CD47: variants seen among roughly 807,000 people sequenced by gnomAD.
CD47 encodes CD47 molecule.
A neutral mutation model predicts 44.6 loss-of-function variants in CD47; 11 were observed. The ratio of observed to expected loss-of-function variants is 0.25; its 90% CI spans 0.16 to 0.41. The LOEUF is 0.41. CD47 is among the 10% of genes least tolerant of loss of function. The pLI is 1.00. For missense variants in CD47, 306 were observed against 386.7 expected (o/e 0.79, Z 1.75); for synonymous variants, 140 against 136.3 (o/e 1.03, Z -0.19).
intron 7 of CD47, chr3:108,052,956 A>G (rs1316677512): frequency 1.3e-5 from 2 of 152,956 alleles, no homozygotes; most frequent in South Asian, 2.1e-4. Flanking sequence ...CGACAGAGCG[A>G]GACTCCATCT....
chr3:108,090,742 C>A (rs2108280428), intron 1 of CD47, 121 bp downstream of exon 1: 2 of 869,646 alleles, frequency 2.3e-6, no homozygotes, highest in Middle Eastern at 3.8e-4. Context: ...GCTCAGGGCC[C>A]GAGTGTTCTG....
intron 9 of CD47, among the ~76,000 whole-genome samples, chr3:108,050,059 T>C (rs2078799123): frequency 6.6e-6 from 1 of 152,196 alleles, no homozygotes. Flanking sequence ...AGCAGCTACT[T>C]AGACACAGAA....
At position 108,043,500 on chromosome 3, in the gene CD47, T is replaced by C. The variant is rs1022726325; in HGVS notation, c.*3788A>G. 15 of 152,128 alleles carry C rather than the reference T, an allele frequency of 9.9e-5. No individual in the cohort carries two copies. The highest frequency in any genetic ancestry group is 3.1e-4 in the African/African-American group (13 of 41,360). The allele number at this position is 152,128 out of a possible 1,614,324, so 9.4% of individuals were successfully genotyped here. The stretch of plus-strand genomic sequence containing the variant: ...AAAACAACTTTGGTCTTCAAATCAC[T>C]GCAAAAAAATGGCTACTGACAAATA... On this transcript the variant is annotated 3_prime_UTR_variant, in exon 11 of 11. Transcript: ENST00000361309.
At chr3:108,064,132 C>G (rs2079064584) in intron 3 of CD47, among the ~76,000 whole-genome samples, 1 of 152,194 alleles carries the variant, frequency 6.6e-6, no homozygotes. Flanking sequence ...AAGTAGATTA[C>G]TTTATTTGAC....
At chr3:108,079,945 G>A (rs1300283493) in intron 2 of CD47, 46 bp downstream of exon 2, 1 of 1,325,828 alleles carries the variant, frequency 7.5e-7, no homozygotes, top group African/African-American at 1.5e-5. Context: ...AGAGGATCAG[G>A]TTGCACCAGG....
chr3:108,089,696 A>C (rs2079590654), intron 1 of CD47, among the ~76,000 whole-genome samples: 2 of 152,180 alleles, frequency 1.3e-5, no homozygotes, highest in South Asian at 4.1e-4. Flanking sequence ...GGAGGGAGGA[A>C]AGTGGTAAGC....
chr3:108,073,019 C>T (rs2079236892), intron 2 of CD47, among the ~76,000 whole-genome samples: 1 of 146,310 alleles, frequency 6.8e-6, no homozygotes, highest in Admixed American at 6.9e-5. Flanking sequence ...AACTCCCCCT[C>T]TCATTTTCCT....
At chr3:108,090,114 C>T (rs1022741121) in intron 1 of CD47, among the ~76,000 whole-genome samples, 1 of 152,172 alleles carries the variant, frequency 6.6e-6, no homozygotes, top group Non-Finnish European at 1.5e-5. Flanking sequence ...AACCAGATTA[C>T]TTTTAAAACG....
intron 2 of CD47, among the ~76,000 whole-genome samples, chr3:108,072,238 C>T (rs866590024): frequency 6.6e-6 from 1 of 152,218 alleles, no homozygotes; most frequent in African/African-American, 2.4e-5. Context: ...CTTCTGAATA[C>T]TGCCCTAAGC....
At chr3:108,060,925 A>C (rs2079001679) in intron 3 of CD47, 73 bp from the exon 4 acceptor site, 4 of 950,270 alleles carry the variant, frequency 4.2e-6, no homozygotes, top group African/African-American at 1.6e-5. Context: ...TGTAAGGTAC[A>C]GAGACAAACT....
chr3:108,049,866 T>C (rs1290655871), intron 9 of CD47, among the ~76,000 whole-genome samples: 1 of 152,158 alleles, frequency 6.6e-6, no homozygotes, highest in African/African-American at 2.4e-5. Flanking sequence ...GATCTAGGTT[T>C]ACAAAGAAAG....
Position 108,047,387 on chromosome 3 carries a change from T to C in CD47, c.968-95A>G, listed in dbSNP as rs932642209. ...ATTAAAAAAAGTTTCAGATATATAG[T>C]ATCTAAAAATTAAGAAAATAGACCT... On this transcript the variant is annotated intron_variant, in intron 10 of 10. Transcript: ENST00000361309. The C allele has an allele frequency of 2.6e-5, 22 of 836,482 alleles. 1 individual carries two copies. The highest frequency in any genetic ancestry group is 4.1e-5 in the Non-Finnish European group (22 of 538,700). The allele number at this position is 836,482 out of a possible 1,614,324, so 51.8% of individuals were successfully genotyped here. A position where few individuals can be genotyped will look rare whatever the true frequency, so the allele number is the denominator to read the frequency against.
At chr3:108,060,371 C>T (rs1027727936) in intron 4 of CD47, among the ~76,000 whole-genome samples, 7 of 152,102 alleles carry the variant, frequency 4.6e-5, no homozygotes, top group Non-Finnish European at 8.8e-5. Context: ...AAGAGAGAGG[C>T]TGAGGGAGAT....
intron 1 of CD47, among the ~76,000 whole-genome samples, chr3:108,090,457 G>T (rs1367975723): frequency 6.6e-6 from 1 of 152,020 alleles, no homozygotes; most frequent in Non-Finnish European, 1.5e-5. Flanking sequence ...CCCCAAATGC[G>T]TCTAAGCACT....
At chr3:108,064,554 G>A (rs547623252) in intron 3 of CD47, among the ~76,000 whole-genome samples, 16 of 152,176 alleles carry the variant, frequency 1.1e-4, no homozygotes, top group Non-Finnish European at 1.8e-4. Flanking sequence ...TCAACTTGGG[G>A]ATAAAATCAA....
intron 1 of CD47, among the ~76,000 whole-genome samples, chr3:108,085,310 A>G (rs2079498730): frequency 6.6e-6 from 1 of 152,080 alleles, no homozygotes. Flanking sequence ...CTAGTTTAAG[A>G]TTCACCTCAT....
intron 7 of CD47, 123 bp downstream of exon 7, chr3:108,057,354 C>T (rs538128742): frequency 2.1e-5 from 12 of 561,732 alleles, no homozygotes; most frequent in East Asian, 6.2e-5. Flanking sequence ...TAATTATCCT[C>T]GAATCACTCC....
chr3:108,046,485 G>A lies in CD47; in HGVS notation c.*803C>T, dbSNP rs1475398340. On this transcript the variant is annotated 3_prime_UTR_variant, in exon 11 of 11. Coordinates refer to ENST00000361309, the MANE Select transcript of CD47 (RefSeq NM_001777.4). ...GCTCCTTCCTGCAACTGGTGCTACC[G>A]TGTCACTAGACCATGTTCAAAGAGG... The A allele has an allele frequency of 1.3e-5, 2 of 152,634 alleles. No individual in the cohort carries two copies. The highest frequency in any genetic ancestry group is 2.4e-5 in the African/African-American group (1 of 41,438). The allele number at this position is 152,634 out of a possible 1,614,324, so 9.5% of individuals were successfully genotyped here. A position where few individuals can be genotyped will look rare whatever the true frequency, so the allele number is the denominator to read the frequency against.
In CD47 at chr3:108,058,403, C is replaced by T. The variant is rs1202791750; in HGVS notation, c.718G>A (p.Ala240Thr). The change falls in exon 6 of 11, where the codon GCC becomes ACC. Residue 240 changes from alanine (A) to threonine (T), a missense_variant. Coordinates refer to ENST00000361309, the MANE Select transcript of CD47 (RefSeq NM_001777.4). ...TAIGLTSFVIAILVIQVIAYI... is the reference protein window; with the variant it reads ...TAIGLTSFVITILVIQVIAYI... The stretch of plus-strand genomic sequence containing the variant: ...GCTATCACCTGAATAACCAATATGG[C>T]AATGACGAAGGAGGTTAATCCAATC... 1 of 1,566,384 alleles carries T rather than the reference C, an allele frequency of 6.4e-7. No homozygotes were observed. Among genetic ancestry groups the T allele is most frequent in the Non-Finnish European group, 8.7e-7 (1 of 1,153,522 alleles).
Sources: allele counts gnomAD v4.1 joint callset (sites outside exome capture counted in the v4.1 genomes callset), GRCh38; gene constraint gnomAD v4.1.1; transcripts MANE v1.5; gene names NCBI Gene and HGNC (gene_info 2026-07-23, HGNC 2026-07-21).